The following ITPR1 variants were observed in gnomAD, a reference collection of about 807,000 sequenced individuals.
ITPR1 encodes inositol 1,4,5-trisphosphate-gated calcium channel ITPR1.
In ITPR1, 96 loss-of-function variants were observed where a neutral mutation model predicts 318.4. The observed-to-expected ratio is 0.30, with a 90% CI of 0.26 to 0.36. The LOEUF (loss-of-function observed/expected upper bound fraction) is 0.36. Among genes scored for constraint, ITPR1 ranks in the 10% least tolerant of loss-of-function variants. The probability of loss-of-function intolerance (pLI) is 1.00; values close to 1 mark genes in which losing one functional copy is unlikely to be tolerated. For synonymous variants in ITPR1, 1,312 were observed against 1,289.9 expected, an observed-to-expected ratio of 1.02 and a Z score of -0.37; for missense variants, 2,440 against 3,460.2, an observed-to-expected ratio of 0.71 and a Z score of 7.40.
chr3:4,832,869 C>CGAG (rs2050616496), intron 60 of ITPR1, among the ~76,000 whole-genome samples: 1 of 152,302 alleles, frequency 6.6e-6, no homozygotes, highest in African/African-American at 2.4e-5. Flanking sequence ...ACCACTGAGG[C>CGAG]GAGGGGCAGA....
chr3:4,806,945 C>A (rs1337086546), intron 55 of ITPR1, among the ~76,000 whole-genome samples: 2 of 151,982 alleles, frequency 1.3e-5, no homozygotes, highest in Admixed American at 6.6e-5. Context: ...TTTTCTTGTG[C>A]CTACATAAAA....
intron 42 of ITPR1, among the ~76,000 whole-genome samples, chr3:4,728,865 G>C (rs1172634421): frequency 3.9e-5 from 6 of 152,182 alleles, no homozygotes; most frequent in Non-Finnish European, 8.8e-5. Flanking sequence ...CTCTGATAGA[G>C]ACATCAACTT....
chr3:4,691,409 T>C, intron 32 of ITPR1, 65 bp downstream of exon 32: 1 of 1,173,860 alleles, frequency 8.5e-7, no homozygotes, highest in African/African-American at 1.5e-5. Flanking sequence ...AATTATTTAA[T>C]CTTATCTGTA....
At chr3:4,654,043 A>T (rs993888641) in intron 12 of ITPR1, among the ~76,000 whole-genome samples, 157 bp downstream of exon 12, 1 of 152,102 alleles carries the variant, frequency 6.6e-6, no homozygotes, top group Non-Finnish European at 1.5e-5. Flanking sequence ...GCTTCCCTTG[A>T]GAGGGACCAT....
At chr3:4,539,735 G>A (rs2084240216) in intron 4 of ITPR1, among the ~76,000 whole-genome samples, 1 of 152,050 alleles carries the variant, frequency 6.6e-6, no homozygotes, top group African/African-American at 2.4e-5. Context: ...AAAGAGAACT[G>A]ATGGCTTTAT....
At chr3:4,669,587 A>G in intron 18 of ITPR1, 67 bp from the exon 19 acceptor site, 4 of 1,499,848 alleles carry the variant, frequency 2.7e-6, no homozygotes, top group Non-Finnish European at 3.6e-6. Flanking sequence ...CTTAAGGAAG[A>G]ATTGGGGTCC....
intron 15 of ITPR1, 86 bp from the exon 16 acceptor site, chr3:4,662,979 C>T (rs764746263): frequency 3.4e-5 from 42 of 1,225,192 alleles, no homozygotes; most frequent in Admixed American, 3.3e-4. Flanking sequence ...TTAACTGGCT[C>T]ATTCGTCCAG....
At chr3:4,534,706 GT>G (rs2083703639) in intron 4 of ITPR1, among the ~76,000 whole-genome samples, 1 of 152,188 alleles carries the variant, frequency 6.6e-6, no homozygotes. Flanking sequence ...ATGTCTGGAT[GT>G]TTTGTGCTGC....
At chr3:4,535,352 T>C (rs937256621) in intron 4 of ITPR1, among the ~76,000 whole-genome samples, 7 of 151,856 alleles carry the variant, frequency 4.6e-5, no homozygotes, top group African/African-American at 1.5e-4. Context: ...GTGAAAATGA[T>C]GTTGGGCTAG....
chr3:4,806,779 G>T (rs143739008), intron 55 of ITPR1, among the ~76,000 whole-genome samples: 8 of 152,156 alleles, frequency 5.3e-5, no homozygotes, highest in Admixed American at 3.3e-4. Flanking sequence ...ATTTTCCTCC[G>T]ATATGAGCCA....
chr3:4,777,527 G>A (rs1477457215), intron 48 of ITPR1, among the ~76,000 whole-genome samples, 153 bp downstream of exon 48: 1 of 152,236 alleles, frequency 6.6e-6, no homozygotes, highest in Non-Finnish European at 1.5e-5. Flanking sequence ...TGACTACGAT[G>A]CAGAACTCCA....
At chr3:4,742,572 T>G (rs963176045) in intron 44 of ITPR1, among the ~76,000 whole-genome samples, 1 of 152,332 alleles carries the variant, frequency 6.6e-6, no homozygotes, top group Admixed American at 6.5e-5. Context: ...GCACCTCACG[T>G]GGCATCTGGC....
At chr3:4,649,184 G>A (rs1358250321) in intron 10 of ITPR1, among the ~76,000 whole-genome samples, 1 of 152,202 alleles carries the variant, frequency 6.6e-6, no homozygotes, top group African/African-American at 2.4e-5. Flanking sequence ...AAGGGAAGAA[G>A]TGAAGTGTTG....
intron 7 of ITPR1, among the ~76,000 whole-genome samples, chr3:4,642,488 C>G (rs2093359795): frequency 6.6e-6 from 1 of 152,116 alleles, no homozygotes; most frequent in Admixed American, 6.5e-5. Context: ...TATGAACAGC[C>G]CATTGCGTTA....
At chr3:4,836,379 T>C (rs12634562) in intron 60 of ITPR1, among the ~76,000 whole-genome samples, 150,500 of 152,306 alleles carry the variant, frequency 0.99, 74,373 homozygotes, top group East Asian at 1. Context: ...CTAAACTGTA[T>C]GCTTAAAATG....
intron 55 of ITPR1, among the ~76,000 whole-genome samples, chr3:4,808,141 T>C (rs546369395): frequency 6.6e-6 from 1 of 152,358 alleles, no homozygotes; most frequent in African/African-American, 2.4e-5. Flanking sequence ...CTCATAGGCC[T>C]CACAGTCAGG....
intron 46 of ITPR1, among the ~76,000 whole-genome samples, chr3:4,774,168 G>C (rs1051290874): frequency 6.6e-6 from 1 of 152,178 alleles, no homozygotes. Context: ...GAAAAAACTT[G>C]ACAGTGTGTC....
chr3:4,738,732 G>C (rs2043470292), intron 44 of ITPR1, among the ~76,000 whole-genome samples: 1 of 152,202 alleles, frequency 6.6e-6, no homozygotes, highest in African/African-American at 2.4e-5. Context: ...AGGTCATTAT[G>C]AATATTAGTT....
chr3:4,821,468 A>G (rs1358409383), intron 60 of ITPR1, among the ~76,000 whole-genome samples: 1 of 152,204 alleles, frequency 6.6e-6, no homozygotes, highest in Non-Finnish European at 1.5e-5. Flanking sequence ...GGGATGGCAA[A>G]TGGGTTTTCA....
Sources: allele counts gnomAD v4.1 joint callset (sites outside exome capture counted in the v4.1 genomes callset), GRCh38; gene constraint gnomAD v4.1.1; transcripts MANE v1.5; gene names NCBI Gene and HGNC (gene_info 2026-07-23, HGNC 2026-07-21).